Variants in SFRP1 observed in about 807,000 individuals in gnomAD.
SFRP1 encodes secreted frizzled-related protein 1.
Under a neutral mutation model 25.9 loss-of-function variants are expected in SFRP1, and 9 were observed. The ratio of observed to expected loss-of-function variants is 0.35; its 90% CI spans 0.21 to 0.61. The LOEUF (loss-of-function observed/expected upper bound fraction) is 0.61. Among genes scored for constraint, SFRP1 ranks in the 20% least tolerant of loss-of-function variants. SFRP1 has a pLI of 0.78. For synonymous variants in SFRP1, 178 were observed against 174.0 expected (o/e 1.02, Z -0.18); for missense variants, 346 against 418.2 (o/e 0.83, Z 1.51).
intron 2 of SFRP1, among the ~76,000 whole-genome samples, chr8:41,293,197 C>T (rs1803799318): frequency 6.6e-6 from 1 of 152,176 alleles, no homozygotes; most frequent in African/African-American, 2.4e-5. Flanking sequence ...CATGAGGGAC[C>T]CCTGAAACAC....
At chr8:41,292,892 C>T (rs1585516904) in intron 2 of SFRP1, among the ~76,000 whole-genome samples, 1 of 152,230 alleles carries the variant, frequency 6.6e-6, no homozygotes, top group East Asian at 1.9e-4. Context: ...ACCAGAGAGG[C>T]TGGGTGCCGG....
chr8:41,300,702 A>G (rs1268571608), intron 2 of SFRP1, among the ~76,000 whole-genome samples: 1 of 152,122 alleles, frequency 6.6e-6, no homozygotes, highest in African/African-American at 2.4e-5. Flanking sequence ...CGCAAATACT[A>G]TATTGGGCTA....
intron 2 of SFRP1, chr8:41,275,106 A>C: frequency 2.5e-6 from 1 of 402,288 alleles, no homozygotes; most frequent in Non-Finnish European, 4.9e-6. Flanking sequence ...TAGAATGCAA[A>C]TTATTTACTT....
intron 2 of SFRP1, among the ~76,000 whole-genome samples, chr8:41,291,410 G>A (rs1460918827): frequency 1.3e-5 from 2 of 151,962 alleles, no homozygotes; most frequent in Non-Finnish European, 2.9e-5. Flanking sequence ...AAAGAGATTC[G>A]CCACTCCCCA....
intron 2 of SFRP1, among the ~76,000 whole-genome samples, chr8:41,285,030 GC>G (rs1218003938): frequency 6.6e-6 from 1 of 152,216 alleles, no homozygotes; most frequent in Non-Finnish European, 1.5e-5. Context: ...CGACCTGGTG[GC>G]CTGTGCTGCC....
chr8:41,263,417 C>T lies in SFRP1; in HGVS notation c.*1750G>A, dbSNP rs1803397224. ...GAGAGGTTAATTTATCAGGATAACT[C>T]TCCGGTAGGTAACTAGGCGGGCATG... On this transcript the variant is annotated 3_prime_UTR_variant, in exon 3 of 3. Transcript: ENST00000220772. 1 of 152,214 alleles carries T rather than the reference C, an allele frequency of 6.6e-6. No individual in the cohort carries two copies. The highest frequency in any genetic ancestry group is 1.5e-5 in the Non-Finnish European group (1 of 68,046). 9.4% of individuals were successfully genotyped at this position (152,214 alleles called of 1,614,324 possible). A position where few individuals can be genotyped will look rare whatever the true frequency, so the allele number is the denominator to read the frequency against.
Position 41,308,761 on chromosome 8 carries a change from G to C in SFRP1, c.399C>G (p.Cys133Trp). 6.2e-7 allele frequency: 1 copy of C among 1,609,302 alleles called. No homozygotes were observed. The highest frequency in any genetic ancestry group is 1.1e-5 in the South Asian group (1 of 90,552). The change falls in exon 1 of 3, where the codon TGC becomes TGG. Residue 133 changes from cysteine to tryptophan, a missense_variant. By Grantham distance (215) the Cys-to-Trp change is radical (BLOSUM62 -2). Coordinates refer to ENST00000220772, the MANE Select transcript of SFRP1 (RefSeq NM_003012.5). ...GCTCGCACGAGTCGCGCACGGCCTC[G>C]CAGAGCCAGCGACACGGGTAGATGG... ...DRPIYPCRWL[C>W]EAVRDSCEPV...
At chr8:41,307,517 C>T in intron 1 of SFRP1, among the ~76,000 whole-genome samples, 1 of 152,296 alleles carries the variant, frequency 6.6e-6, no homozygotes, top group East Asian at 1.9e-4. Flanking sequence ...CTCCCCCACC[C>T]TAAAGGCCCT....
intron 2 of SFRP1, among the ~76,000 whole-genome samples, chr8:41,276,497 T>C (rs569385851): frequency 5.9e-5 from 9 of 152,288 alleles, no homozygotes; most frequent in Admixed American, 1.3e-4. Context: ...CAGGAGCCAA[T>C]GTCTGGCATC....
intron 2 of SFRP1, among the ~76,000 whole-genome samples, chr8:41,279,068 G>A (rs1196626997): frequency 2.0e-5 from 3 of 151,980 alleles, no homozygotes; most frequent in Non-Finnish European, 2.9e-5. Flanking sequence ...AGCTCTGCAT[G>A]AGAATGACCC....
intron 2 of SFRP1, among the ~76,000 whole-genome samples, chr8:41,273,011 A>T (rs543489582): frequency 1.6e-4 from 24 of 152,340 alleles, no homozygotes; most frequent in Non-Finnish European, 3.1e-4. Context: ...ACTGGAGGAT[A>T]ATGAATCAAT....
chr8:41,302,666 C>T (rs1803938683), intron 2 of SFRP1, among the ~76,000 whole-genome samples: 1 of 152,234 alleles, frequency 6.6e-6, no homozygotes, highest in South Asian at 2.1e-4. Flanking sequence ...CAAAGGGGTG[C>T]CGTTTACATT....
chr8:41,280,310 T>G (rs771439607), intron 2 of SFRP1, among the ~76,000 whole-genome samples: 1 of 152,350 alleles, frequency 6.6e-6, no homozygotes, highest in South Asian at 2.1e-4. Flanking sequence ...AGCTGAAAAG[T>G]GTCTTGACCT....
At chr8:41,271,853 A>C (rs1413971776) in intron 2 of SFRP1, among the ~76,000 whole-genome samples, 1 of 151,696 alleles carries the variant, frequency 6.6e-6, no homozygotes, top group African/African-American at 2.4e-5. Flanking sequence ...AGTCCCAGCT[A>C]CTCAGGAAGC....
chr8:41,280,843 G>A (rs999211527), intron 2 of SFRP1, among the ~76,000 whole-genome samples: 5 of 152,138 alleles, frequency 3.3e-5, no homozygotes, highest in Non-Finnish European at 4.4e-5. Context: ...ACGGGTGCTC[G>A]GCCCACATTC....
chr8:41,290,578 A>T (rs1468232575), intron 2 of SFRP1, among the ~76,000 whole-genome samples: 2 of 152,204 alleles, frequency 1.3e-5, no homozygotes, highest in Non-Finnish European at 2.9e-5. Flanking sequence ...CACGCAGAAC[A>T]CAGGTGTCCC....
In SFRP1 at chr8:41,265,439, TC is replaced by T. The variant is rs1390053369; in HGVS notation, c.672del (p.Ile225LeufsTer9). ...KEVKKENGDK[K>X]IVPKKKKPLK... ...AGGGGCTTCTTCTTCTTGGGGACAA[TC>T]TTCTTGTCGCCATTTTCTTTTTTCA... On this transcript the variant is annotated frameshift_variant, in exon 3 of 3. Coordinates refer to ENST00000220772, the MANE Select transcript of SFRP1 (RefSeq NM_003012.5). LOFTEE classifies it high-confidence loss of function. 1.2e-6 allele frequency: 2 copies of T among 1,609,588 alleles called. No individual in the cohort carries two copies. The highest frequency in any genetic ancestry group is 1.7e-6 in the Non-Finnish European group (2 of 1,179,118).
chr8:41,268,696 A>G (rs1014621288), intron 2 of SFRP1, among the ~76,000 whole-genome samples: 1 of 152,186 alleles, frequency 6.6e-6, no homozygotes, highest in East Asian at 1.9e-4. Context: ...GACTACCAAC[A>G]ATGTTGAAAA....
At chr8:41,307,817 G>C (rs1804017364) in intron 1 of SFRP1, among the ~76,000 whole-genome samples, 1 of 152,168 alleles carries the variant, frequency 6.6e-6, no homozygotes, top group African/African-American at 2.4e-5. Flanking sequence ...TGTTAGGAAA[G>C]TCTGCATTTT....
Sources: gnomAD v4.1 joint callset for allele counts (sites outside exome capture counted in the v4.1 genomes callset) on GRCh38, gnomAD v4.1.1 for gene constraint, MANE v1.5 for transcripts, NCBI Gene and HGNC (gene_info 2026-07-23, HGNC 2026-07-21) for gene names.